PMM2: variants seen among roughly 807,000 people sequenced by gnomAD.
PMM2 encodes the protein phosphomannomutase 2.
PMM2 carries 35 observed loss-of-function variants against 33.2 expected under a neutral mutation model. That is an observed-to-expected ratio of 1.06 (90% CI 0.81 to 1.40). The LOEUF (loss-of-function observed/expected upper bound fraction) is 1.40, where lower values mean the gene tolerates loss of function less well. PMM2 is among the 40% of genes most tolerant of loss of function. The probability of loss-of-function intolerance (pLI) is 0.00; values close to 1 mark genes in which losing one functional copy is unlikely to be tolerated. For missense variants in PMM2, 386 were observed against 306.0 expected (o/e 1.26, Z -1.95); for synonymous variants, 153 against 114.7 (o/e 1.33, Z -2.13).
rs748656447 is a variant in PMM2, at chr16:8,848,868, CTT to C, written c.*1046_*1047del. The C allele has an allele frequency of 6.6e-6, 1 of 152,288 alleles. No individual in the cohort carries two copies. The highest frequency in any genetic ancestry group is 6.5e-5 in the Admixed American group (1 of 15,288). The allele number at this position is 152,288 out of a possible 1,614,324, so 9.4% of individuals were successfully genotyped here. ...TACAGCTAGGTCCGCGTCCCTCACT[CTT>C]TTCATCTTCTGCACGTTCTTCGTGA... On this transcript the variant is annotated 3_prime_UTR_variant, in exon 8 of 8. Transcript: ENST00000268261.
chr16:8,834,724 A>G (rs562360508), intron 7 of PMM2, among the ~76,000 whole-genome samples: 3,529 of 152,034 alleles, frequency 0.023, 132 homozygotes, highest in African/African-American at 0.08. Context: ...GGCTTGTACT[A>G]TAGCATAGCC....
At chr16:8,819,805 T>G (rs550709789) in intron 7 of PMM2, among the ~76,000 whole-genome samples, 1 of 152,174 alleles carries the variant, frequency 6.6e-6, no homozygotes, top group African/African-American at 2.4e-5. Context: ...TGGACACTTA[T>G]GTTGTACATG....
chr16:8,845,064 C>T (rs1468665277), intron 7 of PMM2, among the ~76,000 whole-genome samples: 1 of 152,190 alleles, frequency 6.6e-6, no homozygotes, highest in African/African-American at 2.4e-5. Flanking sequence ...ACCAAACAGG[C>T]TTTGTGTGAG....
chr16:8,818,344 C>T (rs939560644), intron 7 of PMM2, among the ~76,000 whole-genome samples: 2 of 152,126 alleles, frequency 1.3e-5, no homozygotes, highest in African/African-American at 4.8e-5. Flanking sequence ...GATTCTTTGC[C>T]CCCATCCCTG....
intron 7 of PMM2, among the ~76,000 whole-genome samples, chr16:8,838,966 A>G (rs563681564): frequency 2.0e-5 from 3 of 152,156 alleles, no homozygotes; most frequent in Admixed American, 6.5e-5. Context: ...AACTGCAGCT[A>G]AAGAGTCAAC....
Position 8,806,543 on chromosome 16 carries a change from G to A in PMM2, c.347+136G>A, listed in dbSNP as rs530721298. Reference sequence around the variant, plus strand: ...AAAAACAAAGTCTGATATTTAGCCCGCCCCTTGGCAATTCTGGTTCAGAAA... The same window carrying A: ...AAAAACAAAGTCTGATATTTAGCCCACCCCTTGGCAATTCTGGTTCAGAAA... On this transcript the variant is annotated intron_variant, in intron 4 of 7. Coordinates refer to ENST00000268261, the MANE Select transcript of PMM2 (RefSeq NM_000303.3). The A allele has an allele frequency of 2.6e-5, 18 of 699,414 alleles. No individual in the cohort carries two copies. In the Middle Eastern group the frequency reaches 7.1e-4, roughly 28 times the overall value. The allele number at this position is 699,414 out of a possible 1,614,324, so 43.3% of individuals were successfully genotyped here.
intron 7 of PMM2, among the ~76,000 whole-genome samples, chr16:8,841,508 C>A (rs183809014): frequency 1.8e-4 from 25 of 137,306 alleles, no homozygotes; most frequent in Admixed American, 7.5e-4. Context: ...TGAATAATCC[C>A]TGAGGAGTAG....
chr16:8,848,086 A>G lies in PMM2; in HGVS notation c.*261A>G, dbSNP rs1203989081. ...CACCCACCCCCAGCCCCCTAGTCTAATACCCACCCTGATACGTGCAATCAT... is the reference window on the plus strand; with the variant it reads ...CACCCACCCCCAGCCCCCTAGTCTAGTACCCACCCTGATACGTGCAATCAT... On this transcript the variant is annotated 3_prime_UTR_variant, in exon 8 of 8. Transcript: ENST00000268261. 4.1e-6 allele frequency: 2 copies of G among 492,444 alleles called. No individual in the cohort carries two copies. Among genetic ancestry groups the G allele is most frequent in the Non-Finnish European group, 7.5e-6 (2 of 268,150 alleles). 30.5% of individuals were successfully genotyped at this position (492,444 alleles called of 1,614,324 possible).
intron 7 of PMM2, among the ~76,000 whole-genome samples, chr16:8,829,583 G>GCT (rs780151307): frequency 6.6e-6 from 1 of 152,176 alleles, no homozygotes; most frequent in Non-Finnish European, 1.5e-5. Context: ...GCTCACACTT[G>GCT]CTCCCGTTGG....
intron 7 of PMM2, among the ~76,000 whole-genome samples, chr16:8,843,007 C>T (rs938957289): frequency 4.6e-5 from 7 of 152,020 alleles, no homozygotes; most frequent in Admixed American, 2.6e-4. Flanking sequence ...CAATGAGATG[C>T]GGCTGTAGTC....
At chr16:8,804,039 T>TTTTTTTTTTTTTTTTTTTTTG (rs2060632559) in intron 2 of PMM2, among the ~76,000 whole-genome samples, 1 of 132,800 alleles carries the variant, frequency 7.5e-6, no homozygotes, top group African/African-American at 3.0e-5. Flanking sequence ...TTGTTTTTTT[T>TTTTTTTTTTTTTTTTTTTTTG]TTTTTTTTTT....
At chr16:8,846,924 T>C (rs2141050623) in intron 7 of PMM2, among the ~76,000 whole-genome samples, 1 of 152,214 alleles carries the variant, frequency 6.6e-6, no homozygotes, top group Middle Eastern at 3.4e-3. Flanking sequence ...AGTGCAGTGG[T>C]GCGATCTCGG....
At chr16:8,844,041 G>A (rs189201301) in intron 7 of PMM2, among the ~76,000 whole-genome samples, 46 of 152,252 alleles carry the variant, frequency 3.0e-4, no homozygotes, top group African/African-American at 9.9e-4. Flanking sequence ...TGGACATCAG[G>A]CACCTCAGAC....
chr16:8,827,182 T>C (rs912332828), intron 7 of PMM2, among the ~76,000 whole-genome samples: 4 of 152,122 alleles, frequency 2.6e-5, no homozygotes, highest in African/African-American at 9.7e-5. Flanking sequence ...ACAGGGTCTG[T>C]GGAGCCTTCT....
At chr16:8,802,356 TG>T (rs1350750779) in intron 2 of PMM2, 1 of 453,548 alleles carries the variant, frequency 2.2e-6, no homozygotes, top group Non-Finnish European at 4.4e-6. Flanking sequence ...GAGTCTGACT[TG>T]ATAGGTCTGT....
At position 8,847,955 on chromosome 16, in the gene PMM2, ATG is replaced by A; in HGVS notation, c.*133_*134del. ...GCAGGCTCTGCATGCTATGCCAGGC[ATG>A]TGCAGTCTGGACTTCCACCTCCAGT... is the stretch of plus-strand genomic sequence containing the variant. On this transcript the variant is annotated 3_prime_UTR_variant, in exon 8 of 8. Coordinates refer to ENST00000268261, the MANE Select transcript of PMM2 (RefSeq NM_000303.3). 1 of 694,576 alleles carries A rather than the reference ATG, an allele frequency of 1.4e-6. No individual in the cohort carries two copies. The highest frequency in any genetic ancestry group is 2.7e-5 in the East Asian group (1 of 36,866). 43.0% of individuals were successfully genotyped at this position (694,576 alleles called of 1,614,324 possible). A position where few individuals can be genotyped will look rare whatever the true frequency, so the allele number is the denominator to read the frequency against.
intron 7 of PMM2, among the ~76,000 whole-genome samples, chr16:8,827,287 T>C (rs2060774238): frequency 6.6e-6 from 1 of 151,388 alleles, no homozygotes; most frequent in Non-Finnish European, 1.5e-5. Flanking sequence ...GGGGAAATAA[T>C]TCAGTTGACT....
intron 1 of PMM2, among the ~76,000 whole-genome samples, chr16:8,801,579 G>T (rs1305419613): frequency 2.0e-5 from 3 of 152,180 alleles, no homozygotes; most frequent in Non-Finnish European, 4.4e-5. Flanking sequence ...GCAGAGATAG[G>T]AGGATCACCG....
At chr16:8,829,991 C>T (rs1490101930) in intron 7 of PMM2, among the ~76,000 whole-genome samples, 2 of 152,198 alleles carry the variant, frequency 1.3e-5, no homozygotes, top group Non-Finnish European at 2.9e-5. Flanking sequence ...CTAGAGATGC[C>T]CCATGATGGG....
Sources: allele counts gnomAD v4.1 joint callset (sites outside exome capture counted in the v4.1 genomes callset), GRCh38; gene constraint gnomAD v4.1.1; transcripts MANE v1.5; gene names NCBI Gene and HGNC (gene_info 2026-07-23, HGNC 2026-07-21).